LIPA: variants seen among roughly 807,000 people sequenced by gnomAD.
LIPA encodes lipase A, lysosomal acid type.
Under a neutral mutation model 40.6 loss-of-function variants are expected in LIPA, and 26 were observed. That is an observed-to-expected ratio of 0.64 (90% confidence interval 0.47 to 0.89). The LOEUF is 0.89. Ranked by LOEUF, LIPA falls within the 40% of genes least tolerant of loss-of-function variation. The probability of loss-of-function intolerance (pLI) is 0.00; values close to 1 mark genes in which losing one functional copy is unlikely to be tolerated. For synonymous variants in LIPA, 188 were observed against 168.4 expected, an observed-to-expected ratio of 1.12 and a Z score of -0.90; for missense variants, 455 against 479.6, an observed-to-expected ratio of 0.95 and a Z score of 0.48.
intron 1 of LIPA, chr10:89,306,431 G>T: frequency 6.2e-7 from 1 of 1,614,146 alleles, no homozygotes; most frequent in Non-Finnish European, 8.5e-7. Context: ...AAGAGCGAAG[G>T]TGTGCTTTGA....
chr10:89,307,027 C>T (rs1315540101), intron 1 of LIPA: 1 of 1,613,942 alleles, frequency 6.2e-7, no homozygotes, highest in Non-Finnish European at 8.5e-7. Flanking sequence ...AGTATTACTT[C>T]CAAAAGGAAT....
At chr10:89,341,826 T>C (rs1041600009) in intron 1 of LIPA, among the ~76,000 whole-genome samples, 3 of 152,164 alleles carry the variant, frequency 2.0e-5, no homozygotes. Flanking sequence ...CCAGACCTGC[T>C]AGGGATTTTG....
At chr10:89,245,253 A>G (rs1178959960) in intron 3 of LIPA, among the ~76,000 whole-genome samples, 4 of 152,316 alleles carry the variant, frequency 2.6e-5, no homozygotes, top group Non-Finnish European at 5.9e-5. Flanking sequence ...AGTTATTTCA[A>G]AAAGATACAC....
intron 1 of LIPA, among the ~76,000 whole-genome samples, chr10:89,269,578 A>G (rs1843254927): frequency 6.6e-6 from 1 of 152,234 alleles, no homozygotes; most frequent in African/African-American, 2.4e-5. Context: ...AGTCAACCAT[A>G]TAATACTTTA....
intron 1 of LIPA, among the ~76,000 whole-genome samples, chr10:89,260,595 T>A (rs1045660665): frequency 6.6e-6 from 1 of 152,150 alleles, no homozygotes; most frequent in South Asian, 2.1e-4. Context: ...GCCTCCTACT[T>A]GGAGGTGCCG....
At chr10:89,262,412 C>G (rs1843215441) in intron 1 of LIPA, among the ~76,000 whole-genome samples, 1 of 152,204 alleles carries the variant, frequency 6.6e-6, no homozygotes, top group South Asian at 2.1e-4. Flanking sequence ...GTTGGAGTCT[C>G]TCTTTTCTTT....
chr10:89,345,571 G>T (rs973541492), upstream of LIPA, among the ~76,000 whole-genome samples: 3 of 149,562 alleles, frequency 2.0e-5, no homozygotes, highest in South Asian at 4.2e-4. Context: ...AATAAATAAA[G>T]GAACAATAGT....
At chr10:89,250,107 C>CTTTCTTTTTTTTTTTT (rs573748456) in intron 1 of LIPA, among the ~76,000 whole-genome samples, 2 of 96,076 alleles carry the variant, frequency 2.1e-5, no homozygotes, top group Non-Finnish European at 3.9e-5. Flanking sequence ...TCTTTTCTTT[C>CTTTCTTTTTTTTTTTT]TTTTTTTTTT....
At chr10:89,256,728 T>C (rs1234651309), upstream of LIPA, among the ~76,000 whole-genome samples, 7 of 152,108 alleles carry the variant, frequency 4.6e-5, no homozygotes, top group South Asian at 6.2e-4. Flanking sequence ...TTCACAAAAG[T>C]AAAAAGTGAT....
chr10:89,315,192 A>T (rs1296610847), intron 1 of LIPA, among the ~76,000 whole-genome samples: 1 of 152,242 alleles, frequency 6.6e-6, no homozygotes, highest in Admixed American at 6.5e-5. Context: ...ACGGGGCCAA[A>T]GGCACCTTCT....
At chr10:89,328,167 G>T in intron 1 of LIPA, 1 of 1,243,672 alleles carries the variant, frequency 8.0e-7, no homozygotes. Flanking sequence ...TTCCTGAATT[G>T]TCCTGATGTT....
At chr10:89,267,259 A>G (rs988680580) in intron 1 of LIPA, among the ~76,000 whole-genome samples, 11 of 152,128 alleles carry the variant, frequency 7.2e-5, no homozygotes, top group African/African-American at 2.4e-4. Context: ...GAAGCATAAG[A>G]TAGTGCAGTA....
At chr10:89,308,201 C>T (rs1843495170) in intron 1 of LIPA, 1 of 152,084 alleles carries the variant, frequency 6.6e-6, no homozygotes, top group South Asian at 2.1e-4. Flanking sequence ...AATAAATGTT[C>T]CACCAGTAGG....
At chr10:89,229,911 A>G (rs1842820388) in intron 3 of LIPA, among the ~76,000 whole-genome samples, 1 of 152,220 alleles carries the variant, frequency 6.6e-6, no homozygotes, top group Non-Finnish European at 1.5e-5. Context: ...CCTTCCACTC[A>G]ATTTTGCTAT....
chr10:89,331,558 CT>C (rs575787253), intron 1 of LIPA, among the ~76,000 whole-genome samples: 134 of 152,226 alleles, frequency 8.8e-4, no homozygotes, highest in African/African-American at 3.0e-3. Flanking sequence ...GCTTAATATT[CT>C]TTTGTAAAGA....
intron 1 of LIPA, among the ~76,000 whole-genome samples, chr10:89,331,177 C>T (rs1843646023): frequency 6.6e-6 from 1 of 151,946 alleles, no homozygotes; most frequent in Non-Finnish European, 1.5e-5. Flanking sequence ...TTTGTTGTTG[C>T]TGTTGTTGTT....
intron 1 of LIPA, among the ~76,000 whole-genome samples, chr10:89,276,758 G>A (rs1279387158): frequency 6.6e-6 from 1 of 152,302 alleles, no homozygotes; most frequent in East Asian, 1.9e-4. Context: ...TGGTTTGCAT[G>A]TATAAAGTCA....
intron 1 of LIPA, among the ~76,000 whole-genome samples, chr10:89,299,635 T>C (rs1843434068): frequency 6.6e-6 from 1 of 151,972 alleles, no homozygotes; most frequent in Non-Finnish European, 1.5e-5. Context: ...ATAAAGGAGC[T>C]CTGGTATATG....
chr10:89,301,524 T>G (rs938703299), intron 1 of LIPA, among the ~76,000 whole-genome samples: 1 of 152,180 alleles, frequency 6.6e-6, no homozygotes, highest in Admixed American at 6.5e-5. Flanking sequence ...GAGGAAGTTC[T>G]TCTAACTCAC....
Sources: allele counts gnomAD v4.1 joint callset (sites outside exome capture counted in the v4.1 genomes callset), GRCh38; gene constraint gnomAD v4.1.1; transcripts MANE v1.5; gene names NCBI Gene and HGNC (gene_info 2026-07-23, HGNC 2026-07-21).